POC1B: variants seen among roughly 807,000 people sequenced by gnomAD.
POC1B encodes the protein POC1 centriolar protein B.
POC1B carries 44 observed loss-of-function variants against 60.6 expected under a neutral mutation model. The observed-to-expected ratio is 0.73, with a 90% CI of 0.57 to 0.93. The LOEUF is 0.93. POC1B is among the 40% of genes least tolerant of loss of function. The pLI, the probability that POC1B is intolerant of heterozygous loss-of-function variation, is 0.00. For synonymous variants in POC1B, 180 were observed against 198.9 expected (o/e 0.90, Z 0.80); for missense variants, 555 against 572.3 (o/e 0.97, Z 0.31).
intron 10 of POC1B, among the ~76,000 whole-genome samples, chr12:89,439,006 G>C (rs528838936): frequency 3.3e-5 from 5 of 152,092 alleles, no homozygotes; most frequent in Non-Finnish European, 7.3e-5. Flanking sequence ...TAAAAACCCA[G>C]GGATTATCTT....
chr12:89,441,228 G>C (rs190341411), intron 10 of POC1B, among the ~76,000 whole-genome samples: 1 of 152,230 alleles, frequency 6.6e-6, no homozygotes, highest in Non-Finnish European at 1.5e-5. Context: ...AACTTCTGCA[G>C]ACTTAAACGT....
At chr12:89,443,973 C>A (rs183208666) in intron 10 of POC1B, among the ~76,000 whole-genome samples, 151 of 152,294 alleles carry the variant, frequency 9.9e-4, no homozygotes, top group African/African-American at 3.5e-3. Context: ...ATAACATAAA[C>A]ACTTCTATGC....
At chr12:89,454,570 A>C in intron 10 of POC1B, among the ~76,000 whole-genome samples, 1 of 150,868 alleles carries the variant, frequency 6.6e-6, no homozygotes, top group African/African-American at 2.4e-5. Context: ...CACTGCTCCC[A>C]CTCTCCTGGA....
the POC1B span, among the ~76,000 whole-genome samples, chr12:89,409,210 GA>G: frequency 6.6e-6 from 1 of 152,166 alleles, no homozygotes; most frequent in South Asian, 2.1e-4. Flanking sequence ...CCTATGTCCT[GA>G]ATGGTATTGC....
intron 2 of POC1B, chr12:89,521,154 A>G (rs1592648598): frequency 7.1e-6 from 1 of 140,826 alleles, no homozygotes; most frequent in Non-Finnish European, 1.5e-5. Flanking sequence ...CCCAGGCTGG[A>G]GTGCAGTGGC....
At chr12:89,493,197 G>A (rs1869070312) in intron 3 of POC1B, among the ~76,000 whole-genome samples, 1 of 152,160 alleles carries the variant, frequency 6.6e-6, no homozygotes, top group African/African-American at 2.4e-5. Flanking sequence ...CCTTGGCCAA[G>A]CCAGACAGGC....
chr12:89,497,854 TA>T (rs1869335568), intron 2 of POC1B, among the ~76,000 whole-genome samples: 1 of 152,212 alleles, frequency 6.6e-6, no homozygotes, highest in Non-Finnish European at 1.5e-5. Context: ...ATCTACTTGT[TA>T]ATGTTTTGCT....
chr12:89,435,273 TG>T (rs1216029291), intron 10 of POC1B, among the ~76,000 whole-genome samples: 2 of 150,810 alleles, frequency 1.3e-5, no homozygotes, highest in Non-Finnish European at 2.9e-5. Flanking sequence ...CTCCGCCTCC[TG>T]GGTTCAAGAA....
intron 4 of POC1B, among the ~76,000 whole-genome samples, chr12:89,473,881 G>A (rs1435326466): frequency 1.3e-5 from 2 of 151,914 alleles, no homozygotes; most frequent in African/African-American, 2.4e-5. Flanking sequence ...AACCTACTCA[G>A]TATCCCCACG....
intron 10 of POC1B, among the ~76,000 whole-genome samples, chr12:89,434,611 A>G (rs577171172): frequency 7.9e-5 from 12 of 152,342 alleles, no homozygotes; most frequent in Non-Finnish European, 1.6e-4. Flanking sequence ...ATGGATCTTA[A>G]TTAATGATAC....
intron 11 of POC1B, among the ~76,000 whole-genome samples, chr12:89,421,484 G>A (rs1565890056): frequency 6.6e-6 from 1 of 152,140 alleles, no homozygotes; most frequent in Admixed American, 6.5e-5. Context: ...AACCCAAACT[G>A]ATGTGTTTGA....
chr12:89,403,518 A>G, the POC1B span, among the ~76,000 whole-genome samples: 1 of 152,182 alleles, frequency 6.6e-6, no homozygotes, highest in African/African-American at 2.4e-5. Context: ...GAGAAGAGTC[A>G]GAGCCTGATA....
At chr12:89,520,291 T>C (rs1470534029) in intron 2 of POC1B, 2 of 152,012 alleles carry the variant, frequency 1.3e-5, no homozygotes, top group Admixed American at 6.6e-5. Context: ...GACAGGAGCA[T>C]CAAGATACTA....
chr12:89,431,053 G>A (rs1285718547), intron 10 of POC1B, among the ~76,000 whole-genome samples: 1 of 151,724 alleles, frequency 6.6e-6, no homozygotes, highest in Non-Finnish European at 1.5e-5. Context: ...ATCCCCTAAA[G>A]GCATACTTGA....
chr12:89,497,578 A>G (rs1869321790), intron 2 of POC1B, among the ~76,000 whole-genome samples: 1 of 152,166 alleles, frequency 6.6e-6, no homozygotes, highest in Admixed American at 6.5e-5. Flanking sequence ...TGGCCCCCGT[A>G]TTCAATTAGC....
At chr12:89,442,181 T>G (rs988162077) in intron 10 of POC1B, among the ~76,000 whole-genome samples, 31 of 152,142 alleles carry the variant, frequency 2.0e-4, no homozygotes, top group African/African-American at 6.0e-4. Flanking sequence ...AAAACACTCT[T>G]CAGGATATTA....
chr12:89,505,502 A>C (rs1740021692), intron 2 of POC1B, among the ~76,000 whole-genome samples: 1 of 152,244 alleles, frequency 6.6e-6, no homozygotes, highest in Non-Finnish European at 1.5e-5. Context: ...TATGAAGTTT[A>C]AGAAGAAGCA....
Position 89,467,574 on chromosome 12 carries a change from T to G in POC1B, c.879+43A>C, listed in dbSNP as rs368817147. ...ACTCTTAGCTGAGGTCAAGGATTCC[T>G]TTACCTTAACCAAATCAAAGAGGAG... On this transcript the variant is annotated intron_variant, in intron 8 of 11. Transcript: ENST00000313546. The G allele has an allele frequency of 3.0e-5, 45 of 1,525,288 alleles. No homozygotes were observed. In the African/African-American group the frequency reaches 6.2e-4, roughly 21 times the overall value. The allele number at this position is 1,525,288 out of a possible 1,614,324, so 94.5% of individuals were successfully genotyped here. A position where few individuals can be genotyped will look rare whatever the true frequency, so the allele number is the denominator to read the frequency against.
intron 4 of POC1B, among the ~76,000 whole-genome samples, chr12:89,473,632 G>T (rs1328268971): frequency 7.5e-6 from 1 of 133,168 alleles, no homozygotes; most frequent in Non-Finnish European, 1.5e-5. Flanking sequence ...CTGCACTCCA[G>T]CTTGGGCGAC....
Sources: allele counts gnomAD v4.1 joint callset (sites outside exome capture counted in the v4.1 genomes callset), GRCh38; gene constraint gnomAD v4.1.1; transcripts MANE v1.5; gene names NCBI Gene and HGNC (gene_info 2026-07-23, HGNC 2026-07-21).